Variants in FN1 observed in about 807,000 individuals in gnomAD.
The protein encoded by FN1 is fibronectin.
Under a neutral mutation model 297.3 loss-of-function variants are expected in FN1, and 106 were observed. The observed-to-expected ratio is 0.36, with a 90% CI of 0.30 to 0.42. The LOEUF (loss-of-function observed/expected upper bound fraction) is 0.42. FN1 is among the 10% of genes least tolerant of loss of function. The pLI, the probability that FN1 is intolerant of heterozygous loss-of-function variation, is 1.00. For synonymous variants in FN1, 1,149 were observed against 1,152.6 expected (o/e 1.00, Z 0.06); for missense variants, 2,690 against 3,124.9 (o/e 0.86, Z 3.32).
Position 215,433,426 on chromosome 2 carries a change from T to A in FN1, c.313A>T (p.Thr105Ser). 1 of 1,614,170 alleles carries A rather than the reference T, an allele frequency of 6.2e-7. No homozygotes were observed. The highest frequency in any genetic ancestry group is 8.5e-7 in the Non-Finnish European group (1 of 1,180,012). Residue 105 changes from threonine to serine, a missense_variant, in exon 3 of 46, where the codon ACT becomes TCT. Physicochemically the swap from Thr to Ser is moderately conservative, Grantham distance 58 (BLOSUM62 1). This residue lies in a region of FN1 where 876 missense variants were observed against 1,058.1 expected (regional missense o/e 0.83). Transcript: ENST00000354785. Reference protein sequence around the residue: ...ETCFDKYTGNTYRVGDTYERP... With the variant: ...ETCFDKYTGNSYRVGDTYERP... ...TCATAAGTGTCACCCACTCGGTAAGTGTTCCCAGTGTACTTGTCAAAGCAA... is the reference window on the plus strand; with the variant it reads ...TCATAAGTGTCACCCACTCGGTAAGAGTTCCCAGTGTACTTGTCAAAGCAA...
intron 13 of FN1, among the ~76,000 whole-genome samples, chr2:215,410,395 T>C (rs2062435451): frequency 6.6e-6 from 1 of 152,190 alleles, no homozygotes. Context: ...TTAGTCTCCA[T>C]ATCCTTCTGA....
Position 215,394,269 on chromosome 2 carries a change from T to G in FN1, c.3796+259A>C, listed in dbSNP as rs534072094. ...TTCCATGTGAGCAGACAATACAGAG[T>G]TAAAGCCATGGCTGCCACTCCATTA... On this transcript the variant is annotated intron_variant, in intron 24 of 45. Transcript: ENST00000354785. Among the ~76,000 whole-genome samples, 18 of 152,146 alleles carry G rather than the reference T, an allele frequency of 1.2e-4. No individual in the cohort carries two copies. In the East Asian group the frequency reaches 3.5e-3, roughly 29 times the overall value.
At chr2:215,405,061 G>C (rs1011201762) in intron 19 of FN1, among the ~76,000 whole-genome samples, 1 of 152,224 alleles carries the variant, frequency 6.6e-6, no homozygotes, top group African/African-American at 2.4e-5. Context: ...GCAAGAAGAA[G>C]CTCTCTATGG....
At position 215,409,757 on chromosome 2, in the gene FN1, G is replaced by A. The variant is rs929341226; in HGVS notation, c.2123-18C>T. The A allele has an allele frequency of 2.5e-6, 4 of 1,613,786 alleles. No homozygotes were observed. The highest frequency in any genetic ancestry group is 3.4e-6 in the Non-Finnish European group (4 of 1,179,826). On this transcript the variant is annotated intron_variant, in intron 14 of 45. Transcript: ENST00000354785. ...GGTGTTGCCTAGAGAGTCACAGAAA[G>A]GGGAAAGTCAGCCTTCAGTCATCTA...
At chr2:215,416,158 T>A (rs1341093719) in intron 12 of FN1, among the ~76,000 whole-genome samples, 1 of 152,170 alleles carries the variant, frequency 6.6e-6, no homozygotes, top group Non-Finnish European at 1.5e-5. Context: ...AACTTGGATA[T>A]CCATGTAGAT....
rs772698004 is a variant in FN1, at chr2:215,373,420, A to C, written c.6158-9T>G. 4.0e-5 allele frequency: 64 copies of C among 1,607,596 alleles called. No homozygotes were observed. Among genetic ancestry groups the C allele is most frequent in the Non-Finnish European group, 5.4e-5 (64 of 1,174,708 alleles). Reference sequence around the variant, plus strand: ...GGTTCCCGGTTCCAGGCCTGAAGGGAGAATAGAACCATCACATTATGTCAA... The same window carrying C: ...GGTTCCCGGTTCCAGGCCTGAAGGGCGAATAGAACCATCACATTATGTCAA... On this transcript the variant is annotated splice_polypyrimidine_tract_variant and intron_variant, in intron 38 of 45. Coordinates refer to ENST00000354785, the MANE Select transcript of FN1 (RefSeq NM_212482.4).
intron 18 of FN1, 143 bp from the exon 19 acceptor site, chr2:215,406,653 T>C: frequency 1.2e-6 from 1 of 837,810 alleles, no homozygotes; most frequent in Non-Finnish European, 1.9e-6. Flanking sequence ...CAGATCACAT[T>C]TTCATGGTCC....
rs765926115 is a variant in FN1, at chr2:215,408,199, T to TAAGA, written c.2429-6_2429-3dup. ...TCGTGTCAGGAGGGGCATCAGGCGCTAAGAAAGAAAGAAAGTGGGGCAAAC... is the reference window on the plus strand; with the variant it reads ...TCGTGTCAGGAGGGGCATCAGGCGCTAAGAAAGAAAGAAAGAAAGTGGGGCAAAC... On this transcript the variant is annotated splice_region_variant and splice_polypyrimidine_tract_variant and intron_variant, in intron 16 of 45. Transcript: ENST00000354785. The TAAGA allele has an allele frequency of 6.2e-7, 1 of 1,608,752 alleles. No individual in the cohort carries two copies. Among genetic ancestry groups the TAAGA allele is most frequent in the South Asian group, 1.1e-5 (1 of 90,998 alleles).
chr2:215,392,596 A>C, intron 25 of FN1: 1 of 352,196 alleles, frequency 2.8e-6, no homozygotes, highest in Non-Finnish European at 5.4e-6. Context: ...TACTTACGCA[A>C]TTTGGTATTC....
rs149574472 is a variant in FN1, at chr2:215,418,303, C to T, written c.1819+939G>A. ...AATCAGCTACAATCTTCCCATATTACAGATGAGGAAATGGAGGAATGAGGC... is the reference window on the plus strand; with the variant it reads ...AATCAGCTACAATCTTCCCATATTATAGATGAGGAAATGGAGGAATGAGGC... On this transcript the variant is annotated intron_variant, in intron 12 of 45. Coordinates refer to ENST00000354785, the MANE Select transcript of FN1 (RefSeq NM_212482.4). Among the ~76,000 whole-genome samples, 277 of 152,254 alleles carry T rather than the reference C, an allele frequency of 1.8e-3. 2 individuals carry two copies. The highest frequency in any genetic ancestry group is 6.2e-3 in the African/African-American group (256 of 41,560).
At chr2:215,399,727 C>G (rs2060768649) in intron 20 of FN1, among the ~76,000 whole-genome samples, 1 of 152,118 alleles carries the variant, frequency 6.6e-6, no homozygotes, top group African/African-American at 2.4e-5. Context: ...TAATTCATGT[C>G]TTTTTATGAT....
At chr2:215,421,385 T>C (rs909940819) in intron 10 of FN1, 5 of 191,654 alleles carry the variant, frequency 2.6e-5, no homozygotes, top group Admixed American at 1.1e-4. Context: ...CCTTGATCTA[T>C]ATAGAGTGAG....
intron 41 of FN1, 39 bp from the exon 42 acceptor site, chr2:215,368,066 T>TA: frequency 6.2e-7 from 1 of 1,605,254 alleles, no homozygotes; most frequent in Non-Finnish European, 8.5e-7. Flanking sequence ...AGAGACATCT[T>TA]ATTAATCGAT....
At chr2:215,366,231 A>G (rs1477572639) in intron 42 of FN1, among the ~76,000 whole-genome samples, 1 of 152,158 alleles carries the variant, frequency 6.6e-6, no homozygotes, top group African/African-American at 2.4e-5. Context: ...AGAATAGTCA[A>G]ATGAAATGAC....
At chr2:215,383,276 G>C in intron 31 of FN1, 52 bp downstream of exon 31, 1 of 1,587,690 alleles carries the variant, frequency 6.3e-7, no homozygotes, top group African/African-American at 1.3e-5. Flanking sequence ...CCAAAGTTCT[G>C]GGATTATAGG....
At chr2:215,425,400 C>G in intron 6 of FN1, 115 bp from the exon 7 acceptor site, 1 of 1,072,890 alleles carries the variant, frequency 9.3e-7, no homozygotes, top group African/African-American at 1.5e-5. Context: ...TATGTCGCTA[C>G]TGGCCTGGGA....
intron 42 of FN1, 77 bp downstream of exon 42, chr2:215,367,786 G>A: frequency 7.0e-7 from 1 of 1,430,036 alleles, no homozygotes; most frequent in Non-Finnish European, 9.8e-7. Flanking sequence ...TTCCAAACAT[G>A]CTTCCTTGGC....
At chr2:215,414,640 A>G (rs1198504132) in intron 13 of FN1, 197 bp downstream of exon 13, 1 of 1,342,664 alleles carries the variant, frequency 7.4e-7, no homozygotes, top group African/African-American at 1.5e-5. Context: ...AACAAAACCC[A>G]AAACCAAAAC....
At chr2:215,405,936 A>G (rs1319774682) in intron 19 of FN1, among the ~76,000 whole-genome samples, 2 of 152,136 alleles carry the variant, frequency 1.3e-5, no homozygotes, top group African/African-American at 2.4e-5. Flanking sequence ...ACTTTGATCT[A>G]GATATATTTA....
Sources: gnomAD v4.1 joint callset for allele counts (sites outside exome capture counted in the v4.1 genomes callset) on GRCh38, gnomAD v4.1.1 for gene constraint, gnomAD v4.1.1 regional missense constraint, MANE v1.5 for transcripts, NCBI Gene and HGNC (gene_info 2026-07-23, HGNC 2026-07-21) for gene names.